FHAD1: variants seen among roughly 807,000 people sequenced by gnomAD.
FHAD1 encodes forkhead-associated domain-containing protein 1.
In FHAD1, 146 loss-of-function variants were observed where a neutral mutation model predicts 191.3. The ratio of observed to expected loss-of-function variants is 0.76; its 90% CI spans 0.67 to 0.88. The LOEUF is 0.88. Ranked by LOEUF, FHAD1 falls within the 40% of genes least tolerant of loss-of-function variation. FHAD1 has a pLI of 0.00. For synonymous variants in FHAD1, 616 were observed against 672.3 expected, an observed-to-expected ratio of 0.92 and a Z score of 1.29; for missense variants, 1,635 against 1,785.8, an observed-to-expected ratio of 0.92 and a Z score of 1.52.
chr1:15,271,789 T>G (rs912657369), intron 2 of FHAD1, among the ~76,000 whole-genome samples: 4 of 151,976 alleles, frequency 2.6e-5, no homozygotes, highest in African/African-American at 9.7e-5. Context: ...CTGGTGAGGG[T>G]GGGATTATAA....
intron 6 of FHAD1, among the ~76,000 whole-genome samples, chr1:15,307,816 T>C (rs1350399013): frequency 6.6e-6 from 1 of 151,922 alleles, no homozygotes; most frequent in East Asian, 1.9e-4. Flanking sequence ...CTGCAAGCTC[T>C]GCCTCCCGGG....
chr1:15,368,625 G>A (rs1009817550), intron 25 of FHAD1, among the ~76,000 whole-genome samples: 5 of 152,206 alleles, frequency 3.3e-5, no homozygotes, highest in African/African-American at 9.6e-5. Context: ...GCAGACTCCA[G>A]ACCTGGCTGC....
chr1:15,317,787 C>G (rs997006927), intron 9 of FHAD1, 37 bp from the exon 10 acceptor site: 54 of 1,448,654 alleles, frequency 3.7e-5, no homozygotes, highest in Middle Eastern at 1.7e-4. Context: ...GCTCCTGCCC[C>G]CATCAGGGAG....
intron 24 of FHAD1, among the ~76,000 whole-genome samples, chr1:15,367,188 AG>A (rs1425010343): frequency 6.6e-6 from 1 of 152,142 alleles, no homozygotes; most frequent in Non-Finnish European, 1.5e-5. Context: ...ATTGAGCCTC[AG>A]TTTCTGCATC....
chr1:15,298,700 C>T lies in FHAD1; in HGVS notation c.678+1907C>T, dbSNP rs535855572. The stretch of plus-strand genomic sequence containing the variant: ...AGATTTAGGGGCTGGGGAAAATAGA[C>T]TCCACTGCTTGATGGCAGAAGCTGC... On this transcript the variant is annotated intron_variant, in intron 5 of 33. Transcript: ENST00000688493. Among the ~76,000 whole-genome samples, 238 of 152,280 alleles carry T rather than the reference C, an allele frequency of 1.6e-3. 1 individual carries two copies. The highest frequency in any genetic ancestry group is 6.8e-3 in the Middle Eastern group (2 of 294).
In FHAD1 at chr1:15,289,457, C is replaced by G. The variant is rs753222513; in HGVS notation, c.359C>G (p.Ala120Gly). 44 of 1,551,810 alleles carry G rather than the reference C, an allele frequency of 2.8e-5. No individual in the cohort carries two copies. Among genetic ancestry groups the G allele is most frequent in the Non-Finnish European group, 3.8e-5 (44 of 1,147,022 alleles). ...APWPGPQPPR[A>G]TQQPNQAPPP... ...TGGCCAGGGCCACAGCCACCTCGTG[C>G]CACACAGCAGCCAAACCAGGCCCCC... is the stretch of plus-strand genomic sequence containing the variant. Residue 120 changes from alanine (A) to glycine (G), a missense_variant, in exon 4 of 34, where the codon GCC becomes GGC. By Grantham distance (60) the Ala-to-Gly change is moderately conservative. Transcript: ENST00000688493. The surrounding 1 kb of genome is among the most constrained non-coding windows in gnomAD (Gnocchi z 4.2).
chr1:15,338,863 G>A (rs1188703814), intron 14 of FHAD1, among the ~76,000 whole-genome samples: 1 of 152,094 alleles, frequency 6.6e-6, no homozygotes, highest in Non-Finnish European at 1.5e-5. Flanking sequence ...TGAACTGTAA[G>A]CCCCTGGAGG....
intron 6 of FHAD1, among the ~76,000 whole-genome samples, chr1:15,303,058 C>G (rs1669321729): frequency 6.6e-6 from 1 of 152,208 alleles, no homozygotes; most frequent in Non-Finnish European, 1.5e-5. Context: ...TTCGTTCATT[C>G]AAACGTTTGT....
At chr1:15,362,794 C>A in intron 23 of FHAD1, 68 bp downstream of exon 23, 1 of 1,228,030 alleles carries the variant, frequency 8.1e-7, no homozygotes, top group Non-Finnish European at 1.2e-6. Context: ...GGCAAACAGG[C>A]AACCAGCCCC....
chr1:15,328,324 G>A lies in FHAD1; in HGVS notation c.1605G>A (p.Gln535=), dbSNP rs758930456. Residue 535 remains glutamine, a synonymous_variant, in exon 13 of 34, where the codon CAG becomes CAA. Coordinates refer to ENST00000688493, the MANE Select transcript of FHAD1 (RefSeq NM_001391957.1). ...TCACTGAGGACAACATCAATTTTCA[G>A]CAGAAAAAGTGGACCCTCCAGAAAG... ...TQVTEDNINF[Q]QKKWTLQKET... is the part of the protein sequence containing the mutation. 147 of 1,539,884 alleles carry A rather than the reference G, an allele frequency of 9.5e-5. No homozygotes were observed. The highest frequency in any genetic ancestry group is 8.4e-4 in the Middle Eastern group (5 of 5,954).
At chr1:15,376,661 A>G (rs1699745458) in intron 28 of FHAD1, among the ~76,000 whole-genome samples, 1 of 152,182 alleles carries the variant, frequency 6.6e-6, no homozygotes, top group African/African-American at 2.4e-5. Context: ...AAAAATACTG[A>G]AGGAGATAAT....
At chr1:15,298,182 G>A (rs1667549333) in intron 5 of FHAD1, among the ~76,000 whole-genome samples, 1 of 152,206 alleles carries the variant, frequency 6.6e-6, no homozygotes, top group South Asian at 2.1e-4. Context: ...TATATTCAAT[G>A]GAATACTATG....
At chr1:15,354,482 G>T (rs1692030872) in intron 20 of FHAD1, among the ~76,000 whole-genome samples, 1 of 152,154 alleles carries the variant, frequency 6.6e-6, no homozygotes, top group South Asian at 2.1e-4. Context: ...GGTCACAGAG[G>T]ACCCCTGCAG....
At chr1:15,372,756 C>G (rs1293591218) in intron 26 of FHAD1, among the ~76,000 whole-genome samples, 1 of 152,186 alleles carries the variant, frequency 6.6e-6, no homozygotes, top group Non-Finnish European at 1.5e-5. Flanking sequence ...ATAAAAGAGC[C>G]AGATTGTCAG....
intron 3 of FHAD1, among the ~76,000 whole-genome samples, chr1:15,274,976 T>G (rs1657692034): frequency 6.6e-6 from 1 of 152,054 alleles, no homozygotes; most frequent in Admixed American, 6.5e-5. Flanking sequence ...CACTTTTTTT[T>G]TTTTGAGACG....
chr1:15,378,927 C>G (rs533474379), intron 28 of FHAD1, among the ~76,000 whole-genome samples: 17 of 152,162 alleles, frequency 1.1e-4, no homozygotes, highest in Non-Finnish European at 1.8e-4. Context: ...GGTGGCTTTT[C>G]TATGCCTTTG....
chr1:15,352,223 G>C (rs1691152201), intron 19 of FHAD1, among the ~76,000 whole-genome samples: 1 of 152,082 alleles, frequency 6.6e-6, no homozygotes, highest in African/African-American at 2.4e-5. Flanking sequence ...TGTTGGTGCG[G>C]GGGAGGTGTA....
chr1:15,353,155 A>C (rs896342254), intron 20 of FHAD1, among the ~76,000 whole-genome samples, 171 bp downstream of exon 20: 16 of 152,108 alleles, frequency 1.1e-4, no homozygotes, highest in African/African-American at 3.9e-4. Flanking sequence ...AAATACACTC[A>C]ATACACACAG....
At chr1:15,284,239 G>A (rs907795483) in intron 3 of FHAD1, among the ~76,000 whole-genome samples, 1 of 152,182 alleles carries the variant, frequency 6.6e-6, no homozygotes, top group African/African-American at 2.4e-5. Flanking sequence ...CCAGCACTTT[G>A]GGAGGCCGAG....
Sources: gnomAD v4.1 joint callset for allele counts (sites outside exome capture counted in the v4.1 genomes callset) on GRCh38, gnomAD v4.1.1 for gene constraint, Gnocchi (gnomAD v3.1) non-coding constraint, MANE v1.5 for transcripts, NCBI Gene and HGNC (gene_info 2026-07-23, HGNC 2026-07-21) for gene names.